Variants in BRINP3 observed in about 807,000 individuals in gnomAD.
BRINP3 encodes BMP/retinoic acid inducible neural specific 3, also known as BMP/retinoic acid-inducible neural-specific protein 3.
A neutral mutation model predicts 71.0 loss-of-function variants in BRINP3; 19 were observed. The observed-to-expected ratio is 0.27, with a 90% CI of 0.19 to 0.39. The LOEUF (loss-of-function observed/expected upper bound fraction) is 0.39. Among genes scored for constraint, BRINP3 ranks in the 10% least tolerant of loss-of-function variants. The pLI, the probability that BRINP3 is intolerant of heterozygous loss-of-function variation, is 1.00. For synonymous variants in BRINP3, 380 were observed against 337.7 expected (o/e 1.13, Z -1.37); for missense variants, 959 against 940.8 (o/e 1.02, Z -0.25).
chr1:190,445,123 T>A (rs1048205071), intron 2 of BRINP3, among the ~76,000 whole-genome samples: 18 of 151,976 alleles, frequency 1.2e-4, no homozygotes, highest in Non-Finnish European at 2.4e-4. Flanking sequence ...ATGGGGAAGT[T>A]AAAAAATTTA....
At chr1:190,364,659 T>C (rs181859324) in intron 2 of BRINP3, among the ~76,000 whole-genome samples, 186 of 152,074 alleles carry the variant, frequency 1.2e-3, no homozygotes, top group Non-Finnish European at 1.9e-3. Flanking sequence ...ATCTAACAAA[T>C]TGCTCTTCCA....
chr1:190,175,457 C>A (rs1652419391), intron 6 of BRINP3, among the ~76,000 whole-genome samples: 1 of 152,036 alleles, frequency 6.6e-6, no homozygotes, highest in Non-Finnish European at 1.5e-5. Flanking sequence ...TAGTAGTTCA[C>A]AATATATTAC....
intron 2 of BRINP3, among the ~76,000 whole-genome samples, chr1:190,348,316 T>C (rs1181081684): frequency 6.6e-6 from 1 of 152,118 alleles, no homozygotes; most frequent in Non-Finnish European, 1.5e-5. Context: ...ACTCTGCAAA[T>C]TGAGTGGAGT....
chr1:190,197,014 C>T (rs184752379), intron 6 of BRINP3, among the ~76,000 whole-genome samples: 127 of 151,524 alleles, frequency 8.4e-4, no homozygotes, highest in African/African-American at 2.2e-3. Context: ...GTCATAGGAG[C>T]GACCTGGCAA....
chr1:190,226,034 T>C (rs990520433), intron 6 of BRINP3, 48 bp downstream of exon 6: 2 of 1,218,030 alleles, frequency 1.6e-6, no homozygotes, highest in Non-Finnish European at 2.3e-6. Context: ...CATTTCAATA[T>C]ATTTTTTGTC....
At chr1:190,148,006 C>G (rs1656042903) in intron 7 of BRINP3, among the ~76,000 whole-genome samples, 1 of 152,176 alleles carries the variant, frequency 6.6e-6, no homozygotes, top group South Asian at 2.1e-4. Context: ...TGTGCCCATA[C>G]ACACAATAAG....
chr1:190,457,460 A>AAAAACAAAAAC (rs1676076368), intron 1 of BRINP3, among the ~76,000 whole-genome samples: 1 of 151,230 alleles, frequency 6.6e-6, no homozygotes, highest in Non-Finnish European at 1.5e-5. Context: ...ACACAAAAAC[A>AAAAACAAAAAC]AAAACAAAAC....
intron 6 of BRINP3, among the ~76,000 whole-genome samples, chr1:190,186,806 A>T (rs2102556000): frequency 6.6e-6 from 1 of 152,158 alleles, no homozygotes; most frequent in Admixed American, 6.5e-5. Flanking sequence ...GTGGTATGGT[A>T]AATAGAAAAA....
chr1:190,109,955 C>T (rs1652525301), intron 7 of BRINP3, among the ~76,000 whole-genome samples: 1 of 152,184 alleles, frequency 6.6e-6, no homozygotes, highest in South Asian at 2.1e-4. Flanking sequence ...AACTGTGGGA[C>T]TTTTCAGCCT....
At chr1:190,159,506 T>C (rs1034480682) in intron 7 of BRINP3, among the ~76,000 whole-genome samples, 3 of 152,074 alleles carry the variant, frequency 2.0e-5, no homozygotes, top group Non-Finnish European at 4.4e-5. Context: ...ATATGTGGTA[T>C]ACCCATACTA....
At chr1:190,282,367 G>A (rs909538585) in intron 2 of BRINP3, among the ~76,000 whole-genome samples, 13 of 151,498 alleles carry the variant, frequency 8.6e-5, no homozygotes, top group African/African-American at 3.2e-4. Context: ...AAAAATGAAA[G>A]ATATGTCTAT....
chr1:190,136,123 T>C (rs1018393034), intron 7 of BRINP3, among the ~76,000 whole-genome samples: 5 of 152,084 alleles, frequency 3.3e-5, no homozygotes, highest in African/African-American at 1.2e-4. Flanking sequence ...AAAAAAATAT[T>C]TCATGAGAGA....
intron 6 of BRINP3, among the ~76,000 whole-genome samples, chr1:190,165,688 CAAAA>C (rs36073895): frequency 6.8e-6 from 1 of 146,070 alleles, no homozygotes; most frequent in African/African-American, 2.5e-5. Flanking sequence ...TTTTCAGTGG[CAAAA>C]AAAAAAAAAA....
chr1:190,463,466 C>G (rs547251162), intron 1 of BRINP3, among the ~76,000 whole-genome samples: 5 of 151,540 alleles, frequency 3.3e-5, no homozygotes, highest in African/African-American at 1.2e-4. Context: ...ACATCATTTG[C>G]CAAGAAATAT....
chr1:190,324,258 A>T (rs1360456660), intron 2 of BRINP3, among the ~76,000 whole-genome samples: 1 of 151,996 alleles, frequency 6.6e-6, no homozygotes, highest in Non-Finnish European at 1.5e-5. Flanking sequence ...AATGAGAAAG[A>T]GGACTTAAAA....
chr1:190,401,647 C>G (rs1227265443), intron 2 of BRINP3, among the ~76,000 whole-genome samples: 1 of 151,966 alleles, frequency 6.6e-6, no homozygotes, highest in African/African-American at 2.4e-5. Flanking sequence ...CCAGGACTTT[C>G]TCAAGTCCAT....
At position 190,098,388 on chromosome 1, in the gene BRINP3, A is replaced by G; in HGVS notation, c.1931T>C (p.Ile644Thr). The change falls in exon 8 of 8, where the codon ATT becomes ACT. Residue 644 changes from isoleucine (I) to threonine (T), a missense_variant. Coordinates refer to ENST00000367462, the MANE Select transcript of BRINP3 (RefSeq NM_199051.3). ...AATAAACTCCAGAGGTTCATAGTAA[A>G]TGCTCTCATTACCATTGGGACCATT... ...KSNGPNGNESIYYEPLEFIDP... is the reference protein window; with the variant it reads ...KSNGPNGNESTYYEPLEFIDP... The G allele has an allele frequency of 6.2e-7, 1 of 1,614,122 alleles. No individual in the cohort carries two copies. Among genetic ancestry groups the G allele is most frequent in the Non-Finnish European group, 8.5e-7 (1 of 1,180,032 alleles).
intron 4 of BRINP3, among the ~76,000 whole-genome samples, chr1:190,239,341 A>T (rs564919932): frequency 9.2e-5 from 14 of 152,230 alleles, no homozygotes; most frequent in African/African-American, 2.9e-4. Flanking sequence ...ACATGAACAA[A>T]TCTCACAAAT....
chr1:190,214,654 C>G (rs558668873), intron 6 of BRINP3, among the ~76,000 whole-genome samples: 1 of 152,052 alleles, frequency 6.6e-6, no homozygotes, highest in East Asian at 1.9e-4. Flanking sequence ...GTGGTGTTTT[C>G]TCCTTCTGCC....
Sources: gnomAD v4.1 joint callset for allele counts (sites outside exome capture counted in the v4.1 genomes callset) on GRCh38, gnomAD v4.1.1 for gene constraint, MANE v1.5 for transcripts, NCBI Gene and HGNC (gene_info 2026-07-23, HGNC 2026-07-21) for gene names.